The following VMP1 variants were observed in gnomAD, a reference collection of about 807,000 sequenced individuals.
The protein encoded by VMP1 is ectopic P-granules autophagy protein 3 homolog.
In VMP1, 11 loss-of-function variants were observed where a neutral mutation model predicts 56.0. The observed-to-expected ratio is 0.20, with a 90% CI of 0.12 to 0.32. VMP1 has a LOEUF of 0.32. Ranked by LOEUF, VMP1 falls within the 10% of genes least tolerant of loss-of-function variation. The pLI, the probability that VMP1 is intolerant of heterozygous loss-of-function variation, is 1.00. For synonymous variants in VMP1, 149 were observed against 165.0 expected, an observed-to-expected ratio of 0.90 and a Z score of 0.74; for missense variants, 296 against 490.3, an observed-to-expected ratio of 0.60 and a Z score of 3.74.
At chr17:59,834,414 GC>G (rs2144335905) in intron 10 of VMP1, among the ~76,000 whole-genome samples, 1 of 152,178 alleles carries the variant, frequency 6.6e-6, no homozygotes, top group Admixed American at 6.5e-5. Context: ...ACAGGCATGT[GC>G]CACCGTGCCT....
chr17:59,774,360 G>T (rs1369008021), intron 7 of VMP1, among the ~76,000 whole-genome samples: 6 of 151,806 alleles, frequency 4.0e-5, no homozygotes, highest in Non-Finnish European at 5.9e-5. Flanking sequence ...GAGGCTGCAA[G>T]TGAGCTATGA....
chr17:59,794,308 T>C (rs1409804713), intron 7 of VMP1, among the ~76,000 whole-genome samples: 1 of 140,106 alleles, frequency 7.1e-6, no homozygotes, highest in African/African-American at 2.6e-5. Context: ...CTGCAACCTC[T>C]GCCTCCCGGG....
chr17:59,793,540 C>T (rs1267099522), intron 7 of VMP1, among the ~76,000 whole-genome samples: 1 of 116,944 alleles, frequency 8.6e-6, no homozygotes, highest in Non-Finnish European at 2.1e-5. Flanking sequence ...GTTAGGCAGG[C>T]ACCCACCTGA....
At chr17:59,829,140 A>G (rs1045004172) in intron 10 of VMP1, among the ~76,000 whole-genome samples, 7 of 152,146 alleles carry the variant, frequency 4.6e-5, no homozygotes, top group Admixed American at 3.3e-4. Context: ...AACAAAACAA[A>G]AAGATTCATG....
intron 7 of VMP1, among the ~76,000 whole-genome samples, chr17:59,781,474 ATG>A (rs1314201005): frequency 6.6e-6 from 1 of 152,204 alleles, no homozygotes; most frequent in Non-Finnish European, 1.5e-5. Flanking sequence ...TATCATAGAC[ATG>A]TGATACCAAT....
chr17:59,720,913 C>T (rs778480068), intron 1 of VMP1, among the ~76,000 whole-genome samples: 6 of 151,620 alleles, frequency 4.0e-5, no homozygotes, highest in Non-Finnish European at 5.9e-5. Flanking sequence ...GCAGAGGTTG[C>T]GGTGAGCCGA....
At chr17:59,738,717 A>G in intron 4 of VMP1, 120 bp from the exon 5 acceptor site, 2 of 713,926 alleles carry the variant, frequency 2.8e-6, no homozygotes, top group Non-Finnish European at 4.6e-6. Flanking sequence ...TGGGTTTTTA[A>G]TCTTATTAGT....
intron 7 of VMP1, among the ~76,000 whole-genome samples, chr17:59,785,689 CAAAAAAAAAAAAA>C (rs375607560): frequency 3.4e-5 from 2 of 59,196 alleles, no homozygotes; most frequent in South Asian, 1.1e-3. Context: ...GATTCCATCT[CAAAAAAAAAAAAA>C]AAAAAGATAA....
intron 10 of VMP1, among the ~76,000 whole-genome samples, chr17:59,835,500 T>G (rs1161335586): frequency 9.9e-5 from 15 of 151,146 alleles, no homozygotes; most frequent in African/African-American, 1.7e-4. Context: ...TTTGTTTTTT[T>G]TTTTTTTGAG....
chr17:59,807,832 C>CAAAAA (rs543862899), intron 7 of VMP1, among the ~76,000 whole-genome samples: 6 of 85,650 alleles, frequency 7.0e-5, no homozygotes, highest in African/African-American at 1.7e-4. Flanking sequence ...AACTCCGTCT[C>CAAAAA]AAAAAAAAAA....
In VMP1 at chr17:59,731,458, T is replaced by A; in HGVS notation, c.12T>A (p.Asn4Lys). MAE[N>K]GKNCDQRRVA... Reference sequence around the variant, plus strand: ...TACTGATCTATGAAATGGCAGAGAATGGAAAAAATTGTGACCAGAGACGTG... The same window carrying A: ...TACTGATCTATGAAATGGCAGAGAAAGGAAAAAATTGTGACCAGAGACGTG... The change falls in exon 2 of 12, where the codon AAT becomes AAA. Residue 4 changes from asparagine to lysine, a missense_variant. Physicochemically the swap from Asn to Lys is moderately conservative, Grantham distance 94. Around this residue, in one of 4 missense-constraint regions of VMP1, gnomAD observed 69 missense variants for 76.6 expected, o/e 0.90. Coordinates refer to ENST00000262291, the MANE Select transcript of VMP1 (RefSeq NM_030938.5). The A allele has an allele frequency of 3.8e-6, 6 of 1,592,372 alleles. No individual in the cohort carries two copies. The highest frequency in any genetic ancestry group is 5.1e-6 in the Non-Finnish European group (6 of 1,173,020).
In VMP1 at chr17:59,794,219, C is replaced by CTTT. The variant is rs574035691; in HGVS notation, c.715-14558_715-14556dup. Among the ~76,000 whole-genome samples, 101 of 64,636 alleles carry CTTT rather than the reference C, an allele frequency of 1.6e-3. 3 individuals carry two copies. Among genetic ancestry groups the CTTT allele is most frequent in the African/African-American group, 5.3e-3 (80 of 15,238 alleles). 42.4% of individuals were successfully genotyped at this position (64,636 alleles called of 152,430 possible). A position where few individuals can be genotyped will look rare whatever the true frequency, so the allele number is the denominator to read the frequency against. ...ACAGGTGTGAGTCACCGCACCCGGC[C>CTTT]TTTTTTTTTTTTTTTTTTTTTGAGA... is the stretch of plus-strand genomic sequence containing the variant. On this transcript the variant is annotated intron_variant, in intron 7 of 11. Transcript: ENST00000262291.
chr17:59,807,436 A>G (rs2037883554), intron 7 of VMP1, among the ~76,000 whole-genome samples: 1 of 151,656 alleles, frequency 6.6e-6, no homozygotes, highest in African/African-American at 2.4e-5. Context: ...TGACCTTGTG[A>G]TCCGCCTGCC....
chr17:59,729,658 A>T (rs1417748417), intron 1 of VMP1: 2 of 146,748 alleles, frequency 1.4e-5, no homozygotes, highest in Non-Finnish European at 3.0e-5. Context: ...CCTCACTAAC[A>T]CTTGTTATTA....
At chr17:59,822,041 C>T (rs1360511196) in intron 10 of VMP1, among the ~76,000 whole-genome samples, 1 of 151,806 alleles carries the variant, frequency 6.6e-6, no homozygotes, top group Non-Finnish European at 1.5e-5. Context: ...TGGGCTTCCA[C>T]CATTTGGCCA....
At chr17:59,796,410 T>C (rs1209156961) in intron 7 of VMP1, among the ~76,000 whole-genome samples, 1 of 152,180 alleles carries the variant, frequency 6.6e-6, no homozygotes, top group Non-Finnish European at 1.5e-5. Flanking sequence ...TTTAAACATA[T>C]ACGGAATGAA....
In VMP1 at chr17:59,840,943, C is replaced by A. The variant is rs745928712; in HGVS notation, c.*1032C>A. 1.4e-4 allele frequency: 23 copies of A among 168,852 alleles called. No homozygotes were observed. The highest frequency in any genetic ancestry group is 2.6e-4 in the Non-Finnish European group (20 of 76,648). The allele number at this position is 168,852 out of a possible 1,614,324, so 10.5% of individuals were successfully genotyped here. A position where few individuals can be genotyped will look rare whatever the true frequency, so the allele number is the denominator to read the frequency against. ...TTTCTAGCATGTACTCTGGTTTCAACAGACACAAATTTATATGTTAACCCA... is the reference window on the plus strand; with the variant it reads ...TTTCTAGCATGTACTCTGGTTTCAAAAGACACAAATTTATATGTTAACCCA... On this transcript the variant is annotated 3_prime_UTR_variant, in exon 12 of 12. Transcript: ENST00000262291.
intron 2 of VMP1, 129 bp downstream of exon 2, chr17:59,731,651 T>C: frequency 1.6e-6 from 1 of 633,280 alleles, no homozygotes; most frequent in Non-Finnish European, 2.3e-6. Flanking sequence ...AATTAAATTA[T>C]GGGTCAGTCA....
At chr17:59,763,325 G>A (rs773748963) in intron 5 of VMP1, among the ~76,000 whole-genome samples, 7 of 151,998 alleles carry the variant, frequency 4.6e-5, no homozygotes, top group Non-Finnish European at 1.0e-4. Context: ...TTAAAGAAAT[G>A]ATTGTAGATT....
Sources: gnomAD v4.1 joint callset for allele counts (sites outside exome capture counted in the v4.1 genomes callset) on GRCh38, gnomAD v4.1.1 for gene constraint, gnomAD v4.1.1 regional missense constraint, MANE v1.5 for transcripts, NCBI Gene and HGNC (gene_info 2026-07-23, HGNC 2026-07-21) for gene names.